Variants in SPIRE1 observed in about 807,000 individuals in gnomAD.
SPIRE1 encodes spire type actin nucleation factor 1.
A neutral mutation model predicts 94.1 loss-of-function variants in SPIRE1; 40 were observed. The ratio of observed to expected loss-of-function variants is 0.43; its 90% CI spans 0.33 to 0.55. The LOEUF is 0.55. Among genes scored for constraint, SPIRE1 ranks in the 20% least tolerant of loss-of-function variants. The pLI, the probability that SPIRE1 is intolerant of heterozygous loss-of-function variation, is 0.06. For synonymous variants in SPIRE1, 376 were observed against 371.7 expected (o/e 1.01, Z -0.13); for missense variants, 838 against 975.2 (o/e 0.86, Z 1.87).
chr18:12,652,037 A>C (rs143844890), intron 1 of SPIRE1, among the ~76,000 whole-genome samples: 2 of 152,240 alleles, frequency 1.3e-5, no homozygotes, highest in East Asian at 3.8e-4. Flanking sequence ...TTTGAAACCA[A>C]AAGTTAAAAT....
intron 2 of SPIRE1, among the ~76,000 whole-genome samples, chr18:12,618,431 G>A (rs920014192): frequency 6.6e-6 from 1 of 151,988 alleles, no homozygotes; most frequent in Non-Finnish European, 1.5e-5. Flanking sequence ...ACCCACAGAA[G>A]CCAAGGCCAC....
intron 2 of SPIRE1, among the ~76,000 whole-genome samples, chr18:12,572,648 T>C (rs1265536988): frequency 6.6e-6 from 1 of 152,142 alleles, no homozygotes; most frequent in Non-Finnish European, 1.5e-5. Flanking sequence ...AATTTTTAAA[T>C]AGAAGATACA....
intron 2 of SPIRE1, among the ~76,000 whole-genome samples, chr18:12,612,244 T>C (rs1206683199): frequency 6.6e-6 from 1 of 152,198 alleles, no homozygotes; most frequent in Non-Finnish European, 1.5e-5. Flanking sequence ...ATGAAACAAT[T>C]TACTTGGCTT....
intron 2 of SPIRE1, among the ~76,000 whole-genome samples, chr18:12,580,539 G>T (rs979683916): frequency 3.9e-5 from 6 of 152,140 alleles, no homozygotes; most frequent in African/African-American, 1.4e-4. Context: ...GGCCAGGCTG[G>T]TCTTAAACTC....
intron 10 of SPIRE1, among the ~76,000 whole-genome samples, chr18:12,472,824 ACT>A (rs1568191864): frequency 1.3e-5 from 2 of 149,998 alleles, no homozygotes; most frequent in African/African-American, 4.9e-5. Context: ...ATGAAGTCTC[ACT>A]CTGTCGCCCA....
chr18:12,649,174 G>A (rs1218029924), intron 1 of SPIRE1, among the ~76,000 whole-genome samples: 1 of 152,172 alleles, frequency 6.6e-6, no homozygotes, highest in South Asian at 2.1e-4. Context: ...CACTTTGTGA[G>A]ACTGAGGCAG....
chr18:12,651,376 AT>A (rs2038374127), intron 1 of SPIRE1, among the ~76,000 whole-genome samples: 1 of 152,090 alleles, frequency 6.6e-6, no homozygotes, highest in African/African-American at 2.4e-5. Flanking sequence ...ACCAAAAAAA[AT>A]GTTTTTAAAC....
At chr18:12,529,414 T>TG (rs1342886841) in intron 4 of SPIRE1, among the ~76,000 whole-genome samples, 44 of 151,174 alleles carry the variant, frequency 2.9e-4, no homozygotes, top group African/African-American at 9.7e-4. Flanking sequence ...TAAAGGTGTC[T>TG]GGGGTGGCCT....
intron 10 of SPIRE1, among the ~76,000 whole-genome samples, chr18:12,470,379 G>A (rs1434427285): frequency 1.3e-5 from 2 of 152,162 alleles, no homozygotes; most frequent in Non-Finnish European, 2.9e-5. Context: ...CAGATATAAA[G>A]AATTGTTTTA....
At position 12,449,271 on chromosome 18, in the gene SPIRE1, T is replaced by C. The variant is rs2031100087; in HGVS notation, c.*367A>G. Reference sequence around the variant, plus strand: ...GCTTAGGGCTGTGCTGACATCGGCATCTCTGTTAGACTGATTCTCGTAGGA... The same window carrying C: ...GCTTAGGGCTGTGCTGACATCGGCACCTCTGTTAGACTGATTCTCGTAGGA... On this transcript the variant is annotated 3_prime_UTR_variant, in exon 17 of 17. Transcript: ENST00000409402. 8.3e-6 allele frequency: 2 copies of C among 241,402 alleles called. No homozygotes were observed. Among genetic ancestry groups the C allele is most frequent in the Admixed American group, 1.0e-4 (2 of 19,442 alleles). 15.0% of individuals were successfully genotyped at this position (241,402 alleles called of 1,614,324 possible).
At chr18:12,468,130 T>C (rs895237753) in intron 10 of SPIRE1, among the ~76,000 whole-genome samples, 1 of 152,200 alleles carries the variant, frequency 6.6e-6, no homozygotes, top group Non-Finnish European at 1.5e-5. Flanking sequence ...TGAGAAAAAG[T>C]GGCTCTATAA....
At chr18:12,615,689 T>C (rs1025286810) in intron 2 of SPIRE1, among the ~76,000 whole-genome samples, 4 of 152,094 alleles carry the variant, frequency 2.6e-5, no homozygotes, top group African/African-American at 9.7e-5. Flanking sequence ...TTTCTCAGTG[T>C]TCTGTACTTC....
intron 1 of SPIRE1, among the ~76,000 whole-genome samples, chr18:12,641,765 T>G (rs899233180): frequency 2.6e-5 from 4 of 151,666 alleles, no homozygotes; most frequent in African/African-American, 4.8e-5. Context: ...TTTATTAGCT[T>G]AAACCAATTT....
At chr18:12,476,114 G>C (rs927633505) in intron 10 of SPIRE1, among the ~76,000 whole-genome samples, 3 of 152,180 alleles carry the variant, frequency 2.0e-5, no homozygotes, top group African/African-American at 4.8e-5. Context: ...CACTATTAAA[G>C]AGAACTACTG....
intron 10 of SPIRE1, among the ~76,000 whole-genome samples, chr18:12,473,657 C>A (rs1005273085): frequency 6.6e-6 from 1 of 152,136 alleles, no homozygotes; most frequent in Non-Finnish European, 1.5e-5. Context: ...TTATATAAAA[C>A]AGTTGAGTTT....
chr18:12,549,230 C>T (rs775371852), intron 2 of SPIRE1, among the ~76,000 whole-genome samples: 9 of 152,158 alleles, frequency 5.9e-5, no homozygotes, highest in Admixed American at 2.0e-4. Flanking sequence ...ACTATCAGAG[C>T]GTCCCTACTA....
intron 4 of SPIRE1, among the ~76,000 whole-genome samples, chr18:12,527,624 A>T (rs2034559511): frequency 6.6e-6 from 1 of 152,174 alleles, no homozygotes; most frequent in African/African-American, 2.4e-5. Flanking sequence ...CCACTTCTGG[A>T]GAGCAGAATG....
At chr18:12,527,540 AATTAT>A (rs2034557234) in intron 4 of SPIRE1, among the ~76,000 whole-genome samples, 1 of 152,162 alleles carries the variant, frequency 6.6e-6, no homozygotes, top group Admixed American at 6.6e-5. Flanking sequence ...CAAGTACATA[AATTAT>A]ATTAGAAATA....
At chr18:12,481,711 G>A (rs189698948) in intron 9 of SPIRE1, among the ~76,000 whole-genome samples, 30 of 152,156 alleles carry the variant, frequency 2.0e-4, no homozygotes, top group Middle Eastern at 3.4e-3. Context: ...ATTGGTGATG[G>A]TGGTGGGGAG....
Sources: allele counts gnomAD v4.1 joint callset (sites outside exome capture counted in the v4.1 genomes callset), GRCh38; gene constraint gnomAD v4.1.1; transcripts MANE v1.5; gene names NCBI Gene and HGNC (gene_info 2026-07-23, HGNC 2026-07-21).